The following CLUAP1 variants were observed in gnomAD, a reference collection of about 807,000 sequenced individuals.
CLUAP1 encodes the protein intraflagellar transport 38.
A neutral mutation model predicts 55.0 loss-of-function variants in CLUAP1; 50 were observed. The observed-to-expected ratio is 0.91, with a 90% CI of 0.72 to 1.15. The LOEUF is 1.15. CLUAP1 is among the 50% of genes most tolerant of loss of function. The probability of loss-of-function intolerance (pLI) is 0.00; values close to 1 mark genes in which losing one functional copy is unlikely to be tolerated. For missense variants in CLUAP1, 530 were observed against 507.6 expected (o/e 1.04, Z -0.42); for synonymous variants, 195 against 175.4 (o/e 1.11, Z -0.88).
At chr16:3,502,217 C>A (rs1340295652) in intron 1 of CLUAP1, 5 of 152,048 alleles carry the variant, frequency 3.3e-5, no homozygotes, top group Admixed American at 3.3e-4. Flanking sequence ...CCGAGGCAGG[C>A]GGATCACTTA....
chr16:3,525,507 A>T (rs949891329), intron 8 of CLUAP1, among the ~76,000 whole-genome samples: 1 of 152,118 alleles, frequency 6.6e-6, no homozygotes, highest in African/African-American at 2.4e-5. Context: ...GAACAACAAT[A>T]TATAAAGCCA....
At chr16:3,496,352 A>G, upstream of CLUAP1, 1 of 1,138,152 alleles carries the variant, frequency 8.8e-7, no homozygotes, top group South Asian at 1.2e-5. Context: ...TGTGCTGAAG[A>G]GGTTGTTTAT....
rs1249977232 is a variant in CLUAP1 at position 3,536,359 on chromosome 16, T to G, written c.*88T>G. On this transcript the variant is annotated 3_prime_UTR_variant, in exon 12 of 12. Coordinates refer to ENST00000576634, the MANE Select transcript of CLUAP1 (RefSeq NM_015041.3). ...GAAGGTTAGGAAGGTAACCCCTGTT[T>G]TGTTTACTAAGCTGGCTGGACTCAT... 1.4e-6 allele frequency: 2 copies of G among 1,430,338 alleles called. No individual in the cohort carries two copies. Among genetic ancestry groups the G allele is most frequent in the Non-Finnish European group, 1.9e-6 (2 of 1,045,120 alleles). 88.6% of individuals were successfully genotyped at this position (1,430,338 alleles called of 1,614,324 possible).
At chr16:3,525,925 C>T (rs1286436779) in intron 8 of CLUAP1, among the ~76,000 whole-genome samples, 1 of 152,180 alleles carries the variant, frequency 6.6e-6, no homozygotes, top group Non-Finnish European at 1.5e-5. Context: ...ATATTTCCTC[C>T]TGTCCCCACC....
upstream of CLUAP1, among the ~76,000 whole-genome samples, chr16:3,499,707 T>C (rs2037352467): frequency 6.6e-6 from 1 of 152,260 alleles, no homozygotes; most frequent in Admixed American, 6.5e-5. Flanking sequence ...TTTGTGCATA[T>C]TTTCTTCTAG....
At chr16:3,502,717 T>G (rs1421677446) in intron 1 of CLUAP1, among the ~76,000 whole-genome samples, 1 of 152,200 alleles carries the variant, frequency 6.6e-6, no homozygotes, top group Non-Finnish European at 1.5e-5. Flanking sequence ...GCAGGATGAC[T>G]GTCTCCTCCC....
At chr16:3,512,579 C>T (rs1472872501) in intron 5 of CLUAP1, 101 bp downstream of exon 5, 1 of 904,940 alleles carries the variant, frequency 1.1e-6, no homozygotes, top group African/African-American at 1.7e-5. Flanking sequence ...ATGAAATACA[C>T]CTGGTTGAAT....
chr16:3,508,216 A>G, intron 3 of CLUAP1, 73 bp from the exon 4 acceptor site: 1 of 1,370,632 alleles, frequency 7.3e-7, no homozygotes, highest in Non-Finnish European at 1.0e-6. Context: ...TTTTCAACTC[A>G]CCTACATGGG....
At chr16:3,529,701 TTA>T (rs2038056145) in intron 9 of CLUAP1, among the ~76,000 whole-genome samples, 1 of 19,350 alleles carries the variant, frequency 5.2e-5, no homozygotes, top group African/African-American at 2.8e-4. Context: ...ATATTATATA[TTA>T]TATATTATAT....
At chr16:3,519,145 G>C (rs1049051557) in intron 6 of CLUAP1, among the ~76,000 whole-genome samples, 3 of 152,170 alleles carry the variant, frequency 2.0e-5, no homozygotes, top group Non-Finnish European at 4.4e-5. Flanking sequence ...GACTCTACCT[G>C]CTTCAAATGA....
At chr16:3,515,347 A>G in intron 5 of CLUAP1, 161 bp from the exon 6 acceptor site, 3 of 540,470 alleles carry the variant, frequency 5.6e-6, no homozygotes, top group Non-Finnish European at 9.5e-6. Context: ...CAGATAATGG[A>G]AGACATTATA....
At chr16:3,527,991 G>A (rs1399621912) in intron 9 of CLUAP1, among the ~76,000 whole-genome samples, 1 of 152,166 alleles carries the variant, frequency 6.6e-6, no homozygotes, top group Admixed American at 6.5e-5. Flanking sequence ...CTTCGTGGTA[G>A]TGGTCCCCCA....
At position 3,532,860 on chromosome 16, in the gene CLUAP1, T is replaced by A; in HGVS notation, c.1092+19T>A. The A allele has an allele frequency of 1.2e-6, 2 of 1,613,594 alleles. No homozygotes were observed. The highest frequency in any genetic ancestry group is 1.7e-6 in the Non-Finnish European group (2 of 1,179,544). On this transcript the variant is annotated intron_variant, in intron 11 of 11. Transcript: ENST00000576634. The stretch of plus-strand genomic sequence containing the variant: ...TGACAATGTAAGTCCCCCGCTCCCC[T>A]CAGTGGTTCTGTGCACTCTGGGTTT...
At position 3,523,154 on chromosome 16, in the gene CLUAP1, T is replaced by C. The variant is rs1313915419; in HGVS notation, c.714-4T>C. 3 of 1,606,992 alleles carry C rather than the reference T, an allele frequency of 1.9e-6. No individual in the cohort carries two copies. The highest frequency in any genetic ancestry group is 1.7e-6 in the Non-Finnish European group (2 of 1,177,590). ...TTCCTTTTTATTTCATTTGCTTCTT[T>C]TAGGCCATGTTTTATGGATGAGTAT... is the stretch of plus-strand genomic sequence containing the variant. On this transcript the variant is annotated splice_region_variant and splice_polypyrimidine_tract_variant and intron_variant, in intron 7 of 11. Transcript: ENST00000576634.
At chr16:3,532,973 C>T (rs866071561) in intron 11 of CLUAP1, 132 bp downstream of exon 11, 1 of 1,336,552 alleles carries the variant, frequency 7.5e-7, no homozygotes, top group Non-Finnish European at 1.1e-6. Flanking sequence ...CGATGCGTGG[C>T]AGGGTTTGGC....
At chr16:3,497,610 G>T (rs2037327937), upstream of CLUAP1, among the ~76,000 whole-genome samples, 1 of 151,970 alleles carries the variant, frequency 6.6e-6, no homozygotes, top group Non-Finnish European at 1.5e-5. Flanking sequence ...ATTTATTAGA[G>T]GATAAATAAA....
Position 3,536,219 on chromosome 16 carries a change from A to T in CLUAP1, c.1190A>T (p.Asn397Ile). 1.2e-6 allele frequency: 2 copies of T among 1,614,154 alleles called. No individual in the cohort carries two copies. Among genetic ancestry groups the T allele is most frequent in the East Asian group, 2.2e-5 (1 of 44,884 alleles). Residue 397 changes from asparagine to isoleucine, a missense_variant, in exon 12 of 12, where the codon AAT (asparagine) becomes ATT (isoleucine). Asn to Ile is a moderately radical substitution (Grantham distance 149). Coordinates refer to ENST00000576634, the MANE Select transcript of CLUAP1 (RefSeq NM_015041.3). ...ESISLSPTKPNRRVRKSEPLD... is the reference protein window; with the variant it reads ...ESISLSPTKPIRRVRKSEPLD... Reference sequence around the variant, plus strand: ...ATTTCTCTCTCACCAACCAAGCCCAATCGAAGGGTCCGGAAATCTGAACCC... The same window carrying T: ...ATTTCTCTCTCACCAACCAAGCCCATTCGAAGGGTCCGGAAATCTGAACCC...
At position 3,536,378 on chromosome 16, in the gene CLUAP1, G is replaced by C; in HGVS notation, c.*107G>C. 8.3e-7 allele frequency: 1 copy of C among 1,207,292 alleles called. No individual in the cohort carries two copies. The highest frequency in any genetic ancestry group is 1.2e-6 in the Non-Finnish European group (1 of 855,960). The allele number at this position is 1,207,292 out of a possible 1,614,324, so 74.8% of individuals were successfully genotyped here. On this transcript the variant is annotated 3_prime_UTR_variant, in exon 12 of 12. Transcript: ENST00000576634. ...CCTGTTTTGTTTACTAAGCTGGCTG[G>C]ACTCATGATCACTGAAGCAATACTT...
chr16:3,529,666 A>G (rs866016786), intron 9 of CLUAP1, among the ~76,000 whole-genome samples: 1 of 14,774 alleles, frequency 6.8e-5, no homozygotes, highest in South Asian at 3.5e-3. Context: ...TATATTATAT[A>G]TTATTATATA....
Sources: gnomAD v4.1 joint callset for allele counts (sites outside exome capture counted in the v4.1 genomes callset) on GRCh38, gnomAD v4.1.1 for gene constraint, MANE v1.5 for transcripts, NCBI Gene and HGNC (gene_info 2026-07-23, HGNC 2026-07-21) for gene names.